ANKFN1: variants seen among roughly 807,000 people sequenced by gnomAD.
ANKFN1 encodes ankyrin repeat and fibronectin type III domain containing 1.
In ANKFN1, 74 loss-of-function variants were observed where a neutral mutation model predicts 108.7. That is an observed-to-expected ratio of 0.68 (90% confidence interval 0.56 to 0.83). ANKFN1 has a LOEUF of 0.83. Ranked by LOEUF, ANKFN1 falls within the 40% of genes least tolerant of loss-of-function variation. ANKFN1 has a pLI of 0.00. For synonymous variants in ANKFN1, 547 were observed against 516.2 expected (o/e 1.06, Z -0.81); for missense variants, 1,505 against 1,382.3 (o/e 1.09, Z -1.41).
intron 4 of ANKFN1, among the ~76,000 whole-genome samples, chr17:56,108,459 T>C (rs1009468967): frequency 3.3e-5 from 5 of 152,232 alleles, no homozygotes; most frequent in Non-Finnish European, 5.9e-5. Flanking sequence ...GTTTAACAAA[T>C]GCTTAGAACA....
chr17:56,502,701 C>T (rs1469679965), intron 20 of ANKFN1, among the ~76,000 whole-genome samples: 4 of 152,210 alleles, frequency 2.6e-5, no homozygotes, highest in African/African-American at 9.6e-5. Context: ...TTTAGAAGAA[C>T]ATACCTGCTG....
chr17:56,509,378 T>C (rs973928140), intron 20 of ANKFN1, among the ~76,000 whole-genome samples: 1 of 152,174 alleles, frequency 6.6e-6, no homozygotes, highest in African/African-American at 2.4e-5. Context: ...ATCTCCAAGG[T>C]TGCTCCATGA....
chr17:56,306,309 T>C (rs1283506550), intron 3 of ANKFN1, among the ~76,000 whole-genome samples: 1 of 152,242 alleles, frequency 6.6e-6, no homozygotes, highest in Non-Finnish European at 1.5e-5. Flanking sequence ...GTTCTATTTA[T>C]TAAGATCTTG....
intron 8 of ANKFN1, among the ~76,000 whole-genome samples, chr17:56,403,658 T>C (rs2047831085): frequency 6.6e-6 from 1 of 152,194 alleles, no homozygotes; most frequent in Non-Finnish European, 1.5e-5. Flanking sequence ...AATGTTAGTA[T>C]TGAAATATGG....
chr17:56,081,852 G>A (rs889463570), intron 4 of ANKFN1, among the ~76,000 whole-genome samples: 1 of 152,134 alleles, frequency 6.6e-6, no homozygotes, highest in Non-Finnish European at 1.5e-5. Context: ...CTTTTCTGGT[G>A]GAATGCCCCT....
At chr17:56,143,818 G>A (rs1033620121) in intron 4 of ANKFN1, among the ~76,000 whole-genome samples, 3 of 152,058 alleles carry the variant, frequency 2.0e-5, no homozygotes, top group East Asian at 1.9e-4. Context: ...ACAAGCCAAC[G>A]AATCCCAAGG....
At chr17:56,327,903 G>A (rs1187413698) in intron 4 of ANKFN1, among the ~76,000 whole-genome samples, 1 of 152,114 alleles carries the variant, frequency 6.6e-6, no homozygotes, top group African/African-American at 2.4e-5. Context: ...TCGTTCATCA[G>A]AAATACACAG....
chr17:56,390,352 C>T (rs540153117), intron 8 of ANKFN1, among the ~76,000 whole-genome samples: 1 of 152,246 alleles, frequency 6.6e-6, no homozygotes, highest in African/African-American at 2.4e-5. Flanking sequence ...CCAGGTTCAC[C>T]CATGTCCCTG....
intron 3 of ANKFN1, among the ~76,000 whole-genome samples, chr17:56,289,641 G>A (rs756597499): frequency 6.6e-6 from 1 of 152,220 alleles, no homozygotes; most frequent in Non-Finnish European, 1.5e-5. Flanking sequence ...CCTGGCGCCT[G>A]GAGCCCATGC....
At chr17:56,356,150 G>A (rs935357614) in intron 6 of ANKFN1, among the ~76,000 whole-genome samples, 15 of 152,088 alleles carry the variant, frequency 9.9e-5, no homozygotes, top group Non-Finnish European at 1.6e-4. Flanking sequence ...CCCCACCCAG[G>A]AGTGGGTGGG....
chr17:56,067,206 C>G (rs1453405557), intron 4 of ANKFN1, among the ~76,000 whole-genome samples: 1 of 151,962 alleles, frequency 6.6e-6, no homozygotes, highest in African/African-American at 2.4e-5. Flanking sequence ...AAGTTTCCTT[C>G]CTTTGTAAGT....
intron 4 of ANKFN1, among the ~76,000 whole-genome samples, chr17:56,142,851 C>T (rs1213912845): frequency 6.6e-6 from 1 of 152,170 alleles, no homozygotes; most frequent in Non-Finnish European, 1.5e-5. Context: ...TGCGAACTAA[C>T]TTCTCCTCCA....
chr17:56,482,732 A>C lies in ANKFN1; in HGVS notation c.2260+208A>C, dbSNP rs531871901. 2.5e-4 allele frequency: 116 copies of C among 460,684 alleles called. 1 individual carries two copies. Among genetic ancestry groups the C allele is most frequent in the African/African-American group, 2.1e-3 (104 of 49,760 alleles). The allele number at this position is 460,684 out of a possible 1,614,324, so 28.5% of individuals were successfully genotyped here. On this transcript the variant is annotated intron_variant, in intron 18 of 20. Transcript: ENST00000682825. Reference sequence around the variant, plus strand: ...GAGCAATAATTATTGAAACCTAGCAAAGGCCCAATGGAGAAGAAGGAATTC... The same window carrying C: ...GAGCAATAATTATTGAAACCTAGCACAGGCCCAATGGAGAAGAAGGAATTC...
rs1424150720 is a variant in ANKFN1, at chr17:56,511,090, C to G, written c.3262C>G (p.Arg1088Gly). The G allele has an allele frequency of 1.3e-6, 2 of 1,535,858 alleles. No individual in the cohort carries two copies. The highest frequency in any genetic ancestry group is 1.7e-6 in the Non-Finnish European group (2 of 1,146,856). The change falls in exon 21 of 21, where the codon CGC becomes GGC. Residue 1088 changes from arginine to glycine, a missense_variant. Physicochemically the swap from Arg to Gly is moderately radical, Grantham distance 125. Coordinates refer to ENST00000682825, the MANE Select transcript of ANKFN1 (RefSeq NM_001370326.1). ...SSLQDARPSV[R>G]RLYVEPYAAA... Reference sequence around the variant, plus strand: ...TCTCCAGGACGCGAGGCCTTCCGTCCGCCGCCTCTACGTGGAGCCCTACGC... The same window carrying G: ...TCTCCAGGACGCGAGGCCTTCCGTCGGCCGCCTCTACGTGGAGCCCTACGC...
chr17:56,516,447 A>G lies in ANKFN1; in HGVS notation c.*5178A>G, dbSNP rs1380286990. Reference sequence around the variant, plus strand: ...ATTGTGTCTTATTGCTATGTATGCAACTGAGTGTATGTTAAAGTTTAGACT... The same window carrying G: ...ATTGTGTCTTATTGCTATGTATGCAGCTGAGTGTATGTTAAAGTTTAGACT... On this transcript the variant is annotated 3_prime_UTR_variant, in exon 21 of 21. Coordinates refer to ENST00000682825, the MANE Select transcript of ANKFN1 (RefSeq NM_001370326.1). Among the ~76,000 whole-genome samples the G allele has an allele frequency of 1.3e-5, 2 of 152,208 alleles. No individual in the cohort carries two copies. Among genetic ancestry groups the G allele is most frequent in the African/African-American group, 4.8e-5 (2 of 41,446 alleles).
At chr17:56,280,438 G>T (rs752925625) in intron 3 of ANKFN1, among the ~76,000 whole-genome samples, 4 of 152,056 alleles carry the variant, frequency 2.6e-5, no homozygotes, top group Admixed American at 6.6e-5. Flanking sequence ...CCACCTCCAG[G>T]ATTTACACCA....
At chr17:56,053,181 G>A (rs1024373311) in intron 4 of ANKFN1, among the ~76,000 whole-genome samples, 1 of 151,998 alleles carries the variant, frequency 6.6e-6, no homozygotes, top group Non-Finnish European at 1.5e-5. Context: ...GGGTACATAG[G>A]AAGTGTATGT....
At chr17:56,332,981 A>G (rs79542546) in intron 4 of ANKFN1, among the ~76,000 whole-genome samples, 34 of 26,948 alleles carry the variant, frequency 1.3e-3, no homozygotes, top group African/African-American at 2.0e-3. Context: ...ATATGTGTGT[A>G]TATATATATA....
At chr17:56,485,337 C>G (rs2050821749) in intron 18 of ANKFN1, among the ~76,000 whole-genome samples, 1 of 152,178 alleles carries the variant, frequency 6.6e-6, no homozygotes, top group Non-Finnish European at 1.5e-5. Flanking sequence ...CTGGGAAGGT[C>G]TCTGAAGAAG....
Sources: allele counts gnomAD v4.1 joint callset (sites outside exome capture counted in the v4.1 genomes callset), GRCh38; gene constraint gnomAD v4.1.1; transcripts MANE v1.5; gene names NCBI Gene and HGNC (gene_info 2026-07-23, HGNC 2026-07-21).